The following VPS54 variants were observed in gnomAD, a reference collection of about 807,000 sequenced individuals.
VPS54 encodes the protein VPS54 subunit of GARP complex.
VPS54 carries 45 observed loss-of-function variants against 121.5 expected under a neutral mutation model. The ratio of observed to expected loss-of-function variants is 0.37; its 90% confidence interval spans 0.29 to 0.47. The LOEUF is 0.47. Ranked by LOEUF, VPS54 falls within the 20% of genes least tolerant of loss-of-function variation. The pLI, the probability that VPS54 is intolerant of heterozygous loss-of-function variation, is 0.99. For missense variants in VPS54, 1,090 were observed against 1,131.4 expected, an observed-to-expected ratio of 0.96 and a Z score of 0.52; for synonymous variants, 371 against 385.8, an observed-to-expected ratio of 0.96 and a Z score of 0.45.
chr2:63,924,442 A>G (rs1315158127), intron 12 of VPS54, among the ~76,000 whole-genome samples: 3 of 152,258 alleles, frequency 2.0e-5, no homozygotes, highest in East Asian at 1.9e-4. Flanking sequence ...TCTAAAATGT[A>G]TATGGATTTG....
chr2:63,973,454 T>C (rs1441094809), intron 3 of VPS54, among the ~76,000 whole-genome samples: 1 of 152,170 alleles, frequency 6.6e-6, no homozygotes, highest in Non-Finnish European at 1.5e-5. Context: ...CTTCTATATC[T>C]TTTTTTGGGA....
intron 1 of VPS54, among the ~76,000 whole-genome samples, chr2:64,015,881 A>G (rs1678662670): frequency 1.3e-5 from 2 of 152,242 alleles, no homozygotes; most frequent in South Asian, 4.1e-4. Flanking sequence ...GTAGCTACAT[A>G]TAGTCACCCA....
chr2:63,903,850 C>G (rs778400041), intron 20 of VPS54, among the ~76,000 whole-genome samples: 2 of 151,558 alleles, frequency 1.3e-5, no homozygotes, highest in Non-Finnish European at 2.9e-5. Context: ...AGTCAAAGAA[C>G]AGAAGGAACA....
intron 20 of VPS54, among the ~76,000 whole-genome samples, chr2:63,903,822 T>C (rs1046019141): frequency 6.6e-6 from 1 of 151,848 alleles, no homozygotes; most frequent in Non-Finnish European, 1.5e-5. Context: ...ACATTTAATC[T>C]GAAAAAAGGG....
At chr2:63,925,055 A>T (rs896987031) in intron 12 of VPS54, among the ~76,000 whole-genome samples, 1 of 152,248 alleles carries the variant, frequency 6.6e-6, no homozygotes, top group African/African-American at 2.4e-5. Flanking sequence ...GAAAGTAATG[A>T]ATCATAGAAT....
chr2:63,894,478 G>T (rs1672355624), intron 22 of VPS54, among the ~76,000 whole-genome samples: 1 of 152,106 alleles, frequency 6.6e-6, no homozygotes, highest in African/African-American at 2.4e-5. Flanking sequence ...GAGGCAGGAG[G>T]ATCACCTGAG....
intron 1 of VPS54, among the ~76,000 whole-genome samples, chr2:63,984,986 A>C (rs1676976098): frequency 6.6e-6 from 1 of 152,194 alleles, no homozygotes; most frequent in South Asian, 2.1e-4. Flanking sequence ...ACAAAAAGCC[A>C]AGTTAGAAAA....
intron 22 of VPS54, among the ~76,000 whole-genome samples, chr2:63,895,213 T>C (rs1249478637): frequency 6.6e-6 from 1 of 152,096 alleles, no homozygotes. Flanking sequence ...CCCAGCACTT[T>C]GGGAGGCCGA....
chr2:63,991,458 T>G (rs1319949858), intron 1 of VPS54, among the ~76,000 whole-genome samples: 1 of 152,224 alleles, frequency 6.6e-6, no homozygotes, highest in Non-Finnish European at 1.5e-5. Context: ...AAAGCTATTC[T>G]GTGGGCACGG....
At chr2:64,010,934 A>G (rs1678399072) in intron 1 of VPS54, among the ~76,000 whole-genome samples, 1 of 152,200 alleles carries the variant, frequency 6.6e-6, no homozygotes, top group Non-Finnish European at 1.5e-5. Context: ...CTTTTTCTTT[A>G]CATCCTCATA....
At chr2:63,997,036 T>C (rs1051355546) in intron 1 of VPS54, among the ~76,000 whole-genome samples, 1 of 152,202 alleles carries the variant, frequency 6.6e-6, no homozygotes, top group African/African-American at 2.4e-5. Context: ...ACACTCAGCT[T>C]TAAAATTTCT....
chr2:63,917,569 C>T (rs547394764), intron 15 of VPS54, among the ~76,000 whole-genome samples: 18 of 152,088 alleles, frequency 1.2e-4, no homozygotes, highest in East Asian at 5.8e-4. Context: ...ATCCTGGACA[C>T]GCCAAATTGA....
intron 6 of VPS54, 36 bp downstream of exon 6, chr2:63,965,799 T>C: frequency 6.2e-7 from 1 of 1,605,512 alleles, no homozygotes; most frequent in Non-Finnish European, 8.5e-7. Flanking sequence ...TTAACTAGAA[T>C]AGTTTCCTAC....
intron 3 of VPS54, among the ~76,000 whole-genome samples, chr2:63,973,110 G>A (rs557407090): frequency 6.6e-6 from 1 of 152,152 alleles, no homozygotes; most frequent in Non-Finnish European, 1.5e-5. Flanking sequence ...CTACAGGACT[G>A]TTTTCCAAAG....
At chr2:63,964,508 G>A (rs1273314579) in intron 6 of VPS54, among the ~76,000 whole-genome samples, 2 of 151,978 alleles carry the variant, frequency 1.3e-5, no homozygotes, top group Non-Finnish European at 2.9e-5. Flanking sequence ...TATTCTCTCA[G>A]GGCATATACT....
chr2:63,924,726 T>G (rs992391462), intron 12 of VPS54, among the ~76,000 whole-genome samples: 8 of 152,242 alleles, frequency 5.3e-5, no homozygotes, highest in Non-Finnish European at 1.2e-4. Context: ...GGTACTGGTG[T>G]AAAGACAGAA....
intron 7 of VPS54, among the ~76,000 whole-genome samples, chr2:63,951,779 C>T (rs575232420): frequency 3.9e-5 from 6 of 152,064 alleles, no homozygotes; most frequent in African/African-American, 1.4e-4. Context: ...CACAAATCTC[C>T]AAAAACTTTT....
Position 63,920,087 on chromosome 2 carries a change from A to C in VPS54, c.2052-92T>G, listed in dbSNP as rs948695336. 34 of 1,049,916 alleles carry C rather than the reference A, an allele frequency of 3.2e-5. No individual in the cohort carries two copies. In the African/African-American group the frequency reaches 4.4e-4, roughly 14 times the overall value. 65.0% of individuals were successfully genotyped at this position (1,049,916 alleles called of 1,614,324 possible). On this transcript the variant is annotated intron_variant, in intron 14 of 22. Coordinates refer to ENST00000272322, the MANE Select transcript of VPS54 (RefSeq NM_016516.3). ...AGAAAAGGAAGAAGAGCTGAGTGAG[A>C]ACATAAGACTTAAAAAGTGCTGAAC...
chr2:63,915,685 T>C (rs976566780), intron 16 of VPS54, among the ~76,000 whole-genome samples: 3 of 151,862 alleles, frequency 2.0e-5, no homozygotes, highest in African/African-American at 7.3e-5. Flanking sequence ...ATTGAAGGGA[T>C]GGGATTACAG....
Sources: gnomAD v4.1 joint callset for allele counts (sites outside exome capture counted in the v4.1 genomes callset) on GRCh38, gnomAD v4.1.1 for gene constraint, MANE v1.5 for transcripts, NCBI Gene and HGNC (gene_info 2026-07-23, HGNC 2026-07-21) for gene names.